MKRN1: variants seen among roughly 807,000 people sequenced by gnomAD.
MKRN1 encodes E3 ubiquitin-protein ligase makorin-1.
A neutral mutation model predicts 55.5 loss-of-function variants in MKRN1; 9 were observed. The observed-to-expected ratio is 0.16, with a 90% CI of 0.10 to 0.28. MKRN1 has a LOEUF of 0.28. MKRN1 is among the 10% of genes least tolerant of loss of function. The pLI, the probability that MKRN1 is intolerant of heterozygous loss-of-function variation, is 1.00. For missense variants in MKRN1, 488 were observed against 626.7 expected (o/e 0.78, Z 2.36); for synonymous variants, 253 against 235.9 (o/e 1.07, Z -0.66).
chr7:140,469,064 C>T (rs148397521), intron 2 of MKRN1, among the ~76,000 whole-genome samples: 14 of 152,218 alleles, frequency 9.2e-5, no homozygotes, highest in Non-Finnish European at 1.8e-4. Context: ...CAGTGGCTCA[C>T]GCCTGTAATC....
At chr7:140,478,224 G>A (rs1192395993) in intron 1 of MKRN1, 9 of 152,176 alleles carry the variant, frequency 5.9e-5, no homozygotes, top group African/African-American at 1.7e-4. Flanking sequence ...AGTCGCTACT[G>A]ATCACTATTT....
chr7:140,455,176 GT>G lies in MKRN1; in HGVS notation c.1154del (p.Asn385ThrfsTer76). 1 of 1,614,010 alleles carries G rather than the reference GT, an allele frequency of 6.2e-7. No homozygotes were observed. Among genetic ancestry groups the G allele is most frequent in the South Asian group, 1.1e-5 (1 of 91,060 alleles). On this transcript the variant is annotated frameshift_variant, in exon 7 of 8. Coordinates refer to ENST00000255977, the MANE Select transcript of MKRN1 (RefSeq NM_013446.4). LOFTEE classifies it high-confidence loss of function. ...EGRGSCPFGG[N>X]CFYKHAYPDG... ...CAGGGTACGCATGCTTGTAAAAACA[GT>G]TCCCTCCAAATGGGCAGCTCCCACG...
In MKRN1 at chr7:140,455,895, C is replaced by T. The variant is rs780164618; in HGVS notation, c.992G>A (p.Cys331Tyr). 2 of 1,612,738 alleles carry T rather than the reference C, an allele frequency of 1.2e-6. No individual in the cohort carries two copies. The highest frequency in any genetic ancestry group is 2.2e-5 in the South Asian group (2 of 91,072). Residue 331 changes from cysteine (C) to tyrosine (Y), a missense_variant, in exon 6 of 8, where the codon TGC (cysteine) becomes TAC (tyrosine). Physicochemically the swap from Cys to Tyr is radical, Grantham distance 194 (BLOSUM62 -2). Transcript: ENST00000255977. ...KQFESKIIKS[C>Y]PECRITSNFV... ...GTTAGATGTGATCCGGCATTCTGGG[C>T]AGGACCTGGGAAACAATGAACAGGC...
chr7:140,454,049 G>A lies in MKRN1; in HGVS notation c.*468C>T, dbSNP rs1474056573. On this transcript the variant is annotated 3_prime_UTR_variant, in exon 8 of 8. Transcript: ENST00000255977. ...GGAACAGATATAAAAACACAGATGTGCAGATTTCACCAGAAACCTCAAGGA... is the reference window on the plus strand; with the variant it reads ...GGAACAGATATAAAAACACAGATGTACAGATTTCACCAGAAACCTCAAGGA... The A allele has an allele frequency of 1.0e-5, 2 of 190,844 alleles. No homozygotes were observed. Among genetic ancestry groups the A allele is most frequent in the Non-Finnish European group, 2.2e-5 (2 of 89,248 alleles). The allele number at this position is 190,844 out of a possible 1,614,324, so 11.8% of individuals were successfully genotyped here.
chr7:140,463,876 A>G (rs1046268979), intron 2 of MKRN1, among the ~76,000 whole-genome samples: 4 of 151,924 alleles, frequency 2.6e-5, no homozygotes, highest in South Asian at 2.1e-4. Context: ...GCGACAGAGC[A>G]AGACTCCATC....
rs750995669 is a variant in MKRN1, at chr7:140,455,159, G to A, written c.1172C>T (p.Ala391Val). The stretch of plus-strand genomic sequence containing the variant: ...CTCCTCTCTACGGCCATCAGGGTAC[G>A]CATGCTTGTAAAAACAGTTCCCTCC... The part of the protein sequence containing the change: ...PFGGNCFYKH[A>V]YPDGRREEPQ... Residue 391 changes from alanine to valine, a missense_variant, in exon 7 of 8, where the codon GCG becomes GTG. Ala to Val is a moderately conservative substitution (Grantham distance 64). Transcript: ENST00000255977. 3.1e-6 allele frequency: 5 copies of A among 1,613,756 alleles called. No homozygotes were observed. Among genetic ancestry groups the A allele is most frequent in the Admixed American group, 1.7e-5 (1 of 59,934 alleles).
At chr7:140,470,982 C>A (rs1794906470) in intron 2 of MKRN1, among the ~76,000 whole-genome samples, 1 of 152,062 alleles carries the variant, frequency 6.6e-6, no homozygotes, top group African/African-American at 2.4e-5. Flanking sequence ...AAAATTTTGA[C>A]TGCCATCTCA....
In MKRN1 at chr7:140,454,815, C is replaced by A; in HGVS notation, c.1237-86G>T. 2 of 1,378,038 alleles carry A rather than the reference C, an allele frequency of 1.5e-6. 1 individual carries two copies. The highest frequency in any genetic ancestry group is 2.4e-5 in the South Asian group (2 of 83,612). The allele number at this position is 1,378,038 out of a possible 1,614,324, so 85.4% of individuals were successfully genotyped here. A position where few individuals can be genotyped will look rare whatever the true frequency, so the allele number is the denominator to read the frequency against. On this transcript the variant is annotated intron_variant, in intron 7 of 7. Transcript: ENST00000255977. ...TTTATAAGGCAAAACGTCCAGCACA[C>A]CAGAGGGCATGACGAACCAGACTTC...
chr7:140,459,465 A>G (rs1794556696), intron 3 of MKRN1, among the ~76,000 whole-genome samples: 1 of 152,210 alleles, frequency 6.6e-6, no homozygotes, highest in Admixed American at 6.5e-5. Flanking sequence ...GGGTAACTGA[A>G]ATTTAATTTC....
chr7:140,467,776 G>A (rs1189435467), intron 2 of MKRN1, among the ~76,000 whole-genome samples: 5 of 151,910 alleles, frequency 3.3e-5, no homozygotes, highest in African/African-American at 1.2e-4. Context: ...GCTGAGGCGG[G>A]CGGATCACCT....
In MKRN1 at chr7:140,472,389, C is replaced by A. The variant is rs575364482; in HGVS notation, c.186-378G>T. 5.9e-4 allele frequency: 114 copies of A among 193,908 alleles called. 1 individual carries two copies. The South Asian group carries it at 8.2e-3, about 14-fold the overall frequency. 12.0% of individuals were successfully genotyped at this position (193,908 alleles called of 1,614,324 possible). On this transcript the variant is annotated intron_variant, in intron 1 of 7. Transcript: ENST00000255977. ...CTGAGGTTTCAATGAGCCGAGATCG[C>A]GCCATTGCACTCCAGCCTGGGAGAC... is the stretch of plus-strand genomic sequence containing the variant.
In MKRN1 at chr7:140,479,258, G is replaced by C. The variant is rs1344839510; in HGVS notation, c.87C>G (p.Thr29=). The change falls in exon 1 of 8, where the codon ACC becomes ACG. Residue 29 remains threonine (T), a synonymous_variant. Transcript: ENST00000255977. ...AAATAAAASP[T]PIPTVTAPSL... is the part of the protein sequence containing the mutation. ...ACGGGGCGGTGACTGTGGGGATCGG[G>C]GTGGGGGAGGCTGCTGCCGCCGTCG... is the stretch of plus-strand genomic sequence containing the variant. 1.4e-6 allele frequency: 2 copies of C among 1,406,302 alleles called. No homozygotes were observed. Among genetic ancestry groups the C allele is most frequent in the South Asian group, 3.1e-5 (2 of 63,910 alleles). The allele number at this position is 1,406,302 out of a possible 1,614,324, so 87.1% of individuals were successfully genotyped here.
At chr7:140,456,588 GCACAAGTTACTAAATTCTTCCC>G in intron 5 of MKRN1, 42 bp downstream of exon 5, 1 of 1,582,932 alleles carries the variant, frequency 6.3e-7, no homozygotes, top group Non-Finnish European at 8.6e-7. Flanking sequence ...TTGAAAGTTG[GCACAAGTTACTAAATTCTTCCC>G]CAAAAGAGAA....
chr7:140,466,427 G>C (rs1370023819), intron 2 of MKRN1, among the ~76,000 whole-genome samples: 1 of 152,208 alleles, frequency 6.6e-6, no homozygotes, highest in Non-Finnish European at 1.5e-5. Context: ...CATATTGGGA[G>C]GCAAAGGTGG....
At chr7:140,470,492 G>T (rs1322991882) in intron 2 of MKRN1, among the ~76,000 whole-genome samples, 1 of 151,956 alleles carries the variant, frequency 6.6e-6, no homozygotes, top group African/African-American at 2.4e-5. Flanking sequence ...AGATGAGGCA[G>T]GAGAATCGCT....
intron 6 of MKRN1, 154 bp from the exon 7 acceptor site, chr7:140,455,387 T>C (rs1350728390): frequency 1.2e-5 from 11 of 896,456 alleles, no homozygotes; most frequent in Non-Finnish European, 1.8e-5. Context: ...TGTGTGCCAA[T>C]GCAAGAAACA....
At chr7:140,479,089 T>G in intron 1 of MKRN1, 71 bp downstream of exon 1, 2 of 1,248,916 alleles carry the variant, frequency 1.6e-6, no homozygotes, top group Non-Finnish European at 2.0e-6. Flanking sequence ...GCCGCCCTCC[T>G]CCCTCCCGCG....
At chr7:140,461,205 G>A (rs908885824) in intron 2 of MKRN1, among the ~76,000 whole-genome samples, 2 of 152,192 alleles carry the variant, frequency 1.3e-5, no homozygotes, top group Non-Finnish European at 2.9e-5. Flanking sequence ...TACACAATAT[G>A]TACATTCTTT....
In MKRN1 at chr7:140,465,310, C is replaced by T. The variant is rs191102924; in HGVS notation, c.315-5374G>A. 1.0e-3 allele frequency among the ~76,000 whole-genome samples: 153 copies of T among 152,046 alleles called. 1 individual carries two copies. The highest frequency in any genetic ancestry group is 3.3e-3 in the African/African-American group (137 of 41,486). Reference sequence around the variant, plus strand: ...GGGCAGGAGTTCAAGACCAGCCTGGCTGACATGGTGAAACCCTGTCTCTAC... The same window carrying T: ...GGGCAGGAGTTCAAGACCAGCCTGGTTGACATGGTGAAACCCTGTCTCTAC... On this transcript the variant is annotated intron_variant, in intron 2 of 7. Transcript: ENST00000255977.
Sources: allele counts gnomAD v4.1 joint callset (sites outside exome capture counted in the v4.1 genomes callset), GRCh38; gene constraint gnomAD v4.1.1; transcripts MANE v1.5; gene names NCBI Gene and HGNC (gene_info 2026-07-23, HGNC 2026-07-21).